Variants in JMJD1C observed in about 807,000 individuals in gnomAD.
JMJD1C encodes jumonji domain containing 1C.
Under a neutral mutation model 245.3 loss-of-function variants are expected in JMJD1C, and 31 were observed. The observed-to-expected ratio is 0.13, with a 90% confidence interval of 0.09 to 0.17. JMJD1C has a LOEUF of 0.17. Among genes scored for constraint, JMJD1C ranks in the 10% least tolerant of loss-of-function variants. The probability of loss-of-function intolerance (pLI) is 1.00; values close to 1 mark genes in which losing one functional copy is unlikely to be tolerated. For synonymous variants in JMJD1C, 1,057 were observed against 1,017.4 expected (o/e 1.04, Z -0.74); for missense variants, 2,691 against 3,000.2 (o/e 0.90, Z 2.41).
At chr10:63,240,964 T>G (rs1341124599) in intron 3 of JMJD1C, among the ~76,000 whole-genome samples, 1 of 152,196 alleles carries the variant, frequency 6.6e-6, no homozygotes, top group African/African-American at 2.4e-5. Flanking sequence ...ATTGTTATTC[T>G]AAGTCTAGTG....
chr10:63,470,783 C>A (rs1953466614), upstream of JMJD1C, among the ~76,000 whole-genome samples: 1 of 152,132 alleles, frequency 6.6e-6, no homozygotes, highest in South Asian at 2.1e-4. Flanking sequence ...GTGAAGCAAT[C>A]TCTATTGGGC....
At chr10:63,237,880 A>C (rs1165079535) in intron 3 of JMJD1C, among the ~76,000 whole-genome samples, 1 of 151,824 alleles carries the variant, frequency 6.6e-6, no homozygotes, top group Admixed American at 6.6e-5. Context: ...CACAAAAAGA[A>C]AAAAAGGCGG....
At chr10:63,468,527 C>G (rs528988202), upstream of JMJD1C, among the ~76,000 whole-genome samples, 1 of 152,240 alleles carries the variant, frequency 6.6e-6, no homozygotes, top group East Asian at 1.9e-4. Context: ...ACATTCTTTA[C>G]TTCCATAAAG....
chr10:63,312,828 C>T (rs1375190544), intron 2 of JMJD1C, among the ~76,000 whole-genome samples: 10 of 152,242 alleles, frequency 6.6e-5, no homozygotes, highest in Non-Finnish European at 1.3e-4. Context: ...ATGGTATTTC[C>T]AATTTAATTA....
intron 10 of JMJD1C, chr10:63,203,787 T>C (rs974739300): frequency 1.0e-6 from 1 of 957,340 alleles, no homozygotes; most frequent in African/African-American, 1.8e-5. Flanking sequence ...TATGTGTATA[T>C]AAAATATATA....
chr10:63,419,348 T>A (rs939116548), intron 1 of JMJD1C, among the ~76,000 whole-genome samples: 1 of 151,472 alleles, frequency 6.6e-6, no homozygotes, highest in Non-Finnish European at 1.5e-5. Flanking sequence ...GATCACACCA[T>A]TGCACTCCAG....
chr10:63,200,437 AAT>A, intron 11 of JMJD1C, 37 bp downstream of exon 11: 2 of 1,477,480 alleles, frequency 1.4e-6, no homozygotes, highest in Non-Finnish European at 1.9e-6. Flanking sequence ...ATATCAAATC[AAT>A]AAATTACTTT....
At chr10:63,232,124 C>G (rs1850099664) in intron 3 of JMJD1C, among the ~76,000 whole-genome samples, 1 of 152,134 alleles carries the variant, frequency 6.6e-6, no homozygotes, top group African/African-American at 2.4e-5. Context: ...AGGCGTGAGC[C>G]ACAGCACCCG....
At position 63,207,373 on chromosome 10, in the gene JMJD1C, A is replaced by C; in HGVS notation, c.4296T>G (p.Cys1432Trp). 6.2e-7 allele frequency: 1 copy of C among 1,613,990 alleles called. No homozygotes were observed. Among genetic ancestry groups the C allele is most frequent in the Non-Finnish European group, 8.5e-7 (1 of 1,180,014 alleles). ...GCTGACTGACACTTTTTGAAGATAC[A>C]CATTCTGATGATGTAGAGGCCAAAA... is the stretch of plus-strand genomic sequence containing the variant. Reference protein sequence around the residue: ...NTILASTSSECVSSKSVSQPV... With the variant: ...NTILASTSSEWVSSKSVSQPV... Residue 1432 changes from cysteine to tryptophan, a missense_variant, in exon 10 of 26, where the codon TGT becomes TGG. Around this residue, in one of 9 missense-constraint regions of JMJD1C, gnomAD observed 1,562 missense variants for 1,490.7 expected, o/e 1.05. Transcript: ENST00000399262.
chr10:63,517,017 CCT>C (rs758766143), intron 1 of JMJD1C, among the ~76,000 whole-genome samples: 12 of 152,238 alleles, frequency 7.9e-5, no homozygotes, highest in African/African-American at 1.9e-4. Context: ...TTCTTAAGAT[CCT>C]CTCTCTCCCC....
chr10:63,240,280 A>G (rs1851320952), intron 3 of JMJD1C, among the ~76,000 whole-genome samples: 1 of 151,030 alleles, frequency 6.6e-6, no homozygotes, highest in Admixed American at 6.6e-5. Flanking sequence ...AAGGAGCACT[A>G]CAAAAAAAAA....
intron 2 of JMJD1C, among the ~76,000 whole-genome samples, chr10:63,272,603 A>T (rs1589354970): frequency 6.6e-6 from 1 of 152,238 alleles, no homozygotes; most frequent in East Asian, 1.9e-4. Flanking sequence ...GTGGATATTA[A>T]ATCGCATATA....
intron 2 of JMJD1C, among the ~76,000 whole-genome samples, chr10:63,324,127 AC>A: frequency 6.7e-6 from 1 of 150,248 alleles, no homozygotes; most frequent in East Asian, 1.9e-4. Flanking sequence ...TACTCAGTCT[AC>A]TAGCTCAAAT....
At chr10:63,247,388 C>A (rs1390039228) in intron 3 of JMJD1C, among the ~76,000 whole-genome samples, 1 of 151,806 alleles carries the variant, frequency 6.6e-6, no homozygotes, top group African/African-American at 2.4e-5. Context: ...AAAATTGAAC[C>A]AGGAAAGAAA....
intron 18 of JMJD1C, among the ~76,000 whole-genome samples, chr10:63,187,278 A>G (rs1262127829): frequency 6.6e-6 from 1 of 152,234 alleles, no homozygotes; most frequent in African/African-American, 2.4e-5. Context: ...CTTGCTGGCA[A>G]TTCACAGATT....
intron 2 of JMJD1C, among the ~76,000 whole-genome samples, chr10:63,360,910 A>C (rs944021325): frequency 5.9e-5 from 9 of 152,068 alleles, no homozygotes; most frequent in African/African-American, 1.7e-4. Context: ...TCAGCCTCCC[A>C]GGTAGCTGGG....
chr10:63,498,405 C>G (rs1272778933), intron 1 of JMJD1C, among the ~76,000 whole-genome samples: 2 of 152,044 alleles, frequency 1.3e-5, no homozygotes, highest in East Asian at 3.9e-4. Context: ...TTTATTTTTG[C>G]CCCTAGTGAA....
chr10:63,521,815 C>T, exon 1 of JMJD1C: 1 of 249,408 alleles, frequency 4.0e-6, no homozygotes, highest in Non-Finnish European at 7.3e-6. Flanking sequence ...ACGGCGGCGG[C>T]GGCTGTGGCG....
chr10:63,513,105 T>G (rs994743694), intron 1 of JMJD1C, among the ~76,000 whole-genome samples: 1 of 152,210 alleles, frequency 6.6e-6, no homozygotes, highest in Non-Finnish European at 1.5e-5. Context: ...TAAAGCCTTT[T>G]GCATGTTAAT....
Sources: allele counts gnomAD v4.1 joint callset (sites outside exome capture counted in the v4.1 genomes callset), GRCh38; gene constraint gnomAD v4.1.1; regional missense constraint gnomAD v4.1.1; transcripts MANE v1.5; gene names NCBI Gene and HGNC (gene_info 2026-07-23, HGNC 2026-07-21).